The following SPATA4 variants were observed in gnomAD, a reference collection of about 807,000 sequenced individuals.
SPATA4 encodes the protein spermatogenesis-associated protein 4.
In SPATA4, 35 loss-of-function variants were observed where a neutral mutation model predicts 31.8. That is an observed-to-expected ratio of 1.10 (90% CI 0.84 to 1.46). The LOEUF is 1.46. Among genes scored for constraint, SPATA4 ranks in the 40% most tolerant of loss-of-function variants. SPATA4 has a pLI of 0.00. For synonymous variants in SPATA4, 126 were observed against 132.4 expected (o/e 0.95, Z 0.33); for missense variants, 394 against 363.1 (o/e 1.09, Z -0.69).
rs1296102636 is a variant in SPATA4, at chr4:176,192,665, T to G, written c.650A>C (p.His217Pro). ...TCTGCCTAATTTTCTTTGCAACATA[T>G]GTAAAAGGATGAGGAACTCCGCTTT... ...ELKAEFLILL[H>P]MLQRKLGRKL... is the part of the protein sequence containing the mutation. The change falls in exon 4 of 6, where the codon CAT (histidine) becomes CCT (proline). Residue 217 changes from histidine (H) to proline (P), a missense_variant. Transcript: ENST00000280191. The G allele has an allele frequency of 6.2e-7, 1 of 1,613,948 alleles. No homozygotes were observed. The highest frequency in any genetic ancestry group is 8.5e-7 in the Non-Finnish European group (1 of 1,179,978).
At chr4:176,188,767 T>A (rs1350380770) in intron 4 of SPATA4, among the ~76,000 whole-genome samples, 3 of 152,244 alleles carry the variant, frequency 2.0e-5, no homozygotes, top group Non-Finnish European at 4.4e-5. Context: ...TTCCCATATT[T>A]CTTTTTAACT....
At chr4:176,194,371 C>G (rs1374838016) in intron 1 of SPATA4, 1 of 87,178 alleles carries the variant, frequency 1.1e-5, no homozygotes, top group Non-Finnish European at 2.6e-5. Flanking sequence ...GAAAAACTTT[C>G]AGCCACAGTG....
chr4:176,187,745 G>A (rs977590022), intron 5 of SPATA4, among the ~76,000 whole-genome samples: 4 of 152,222 alleles, frequency 2.6e-5, no homozygotes, highest in Non-Finnish European at 5.9e-5. Flanking sequence ...GTGACTTCTT[G>A]TAATACAACT....
intron 1 of SPATA4, 93 bp downstream of exon 1, chr4:176,195,252 G>A: frequency 2.4e-6 from 3 of 1,252,334 alleles, no homozygotes; most frequent in South Asian, 1.2e-5. Context: ...TGAAACATAA[G>A]CCAGGCCAGG....
In SPATA4 at chr4:176,193,459, C is replaced by A; in HGVS notation, c.342G>T (p.Leu114Phe). The change falls in exon 2 of 6, where the codon TTG (leucine) becomes TTT (phenylalanine). Residue 114 changes from leucine to phenylalanine, a missense_variant. Transcript: ENST00000280191. ...TAAATGACTGCTAACGTACCTTCTC[C>A]AACTGTGCCCAGTTATCCAACTTGA... ...LKVKLDNWAQLEKFLARKKFK... is the reference protein window; with the variant it reads ...LKVKLDNWAQFEKFLARKKFK... 6.2e-7 allele frequency: 1 copy of A among 1,612,254 alleles called. No individual in the cohort carries two copies. The highest frequency in any genetic ancestry group is 8.5e-7 in the Non-Finnish European group (1 of 1,179,552).
intron 4 of SPATA4, among the ~76,000 whole-genome samples, chr4:176,190,723 A>G (rs1436600149): frequency 6.6e-6 from 1 of 152,176 alleles, no homozygotes. Flanking sequence ...TAGCAATAGC[A>G]GGTTGAGACC....
Position 176,193,056 on chromosome 4 carries a change from A to T in SPATA4, c.369T>A (p.Phe123Leu). 4.4e-6 allele frequency: 7 copies of T among 1,591,700 alleles called. No individual in the cohort carries two copies. Among genetic ancestry groups the T allele is most frequent in the Non-Finnish European group, 6.0e-6 (7 of 1,173,640 alleles). The change falls in exon 3 of 6, where the codon TTT (phenylalanine) becomes TTA (leucine). Residue 123 changes from phenylalanine (F) to leucine (L), a missense_variant. Coordinates refer to ENST00000280191, the MANE Select transcript of SPATA4 (RefSeq NM_144644.4). Reference protein sequence around the residue: ...QLEKFLARKKFKLPKELIHGT... With the variant: ...QLEKFLARKKLKLPKELIHGT... The stretch of plus-strand genomic sequence containing the variant: ...CATGGATTAGTTCTTTAGGTAATTT[A>T]AATTTTTTTCTTGCCAGGAACTTTA...
At chr4:176,184,978 A>G (rs1752418816) in intron 5 of SPATA4, 86 bp from the exon 6 acceptor site, 2 of 684,958 alleles carry the variant, frequency 2.9e-6, no homozygotes, top group East Asian at 2.9e-5. Flanking sequence ...TGTATCAAAT[A>G]TATGCAGAAT....
intron 4 of SPATA4, among the ~76,000 whole-genome samples, chr4:176,190,396 A>AT (rs1343572210): frequency 6.6e-6 from 1 of 152,092 alleles, no homozygotes; most frequent in Non-Finnish European, 1.5e-5. Flanking sequence ...CTTGTATTTG[A>AT]TTTTCATTCC....
Position 176,193,460 on chromosome 4 carries a change from A to C in SPATA4, c.341T>G (p.Leu114Trp), listed in dbSNP as rs1345678590. The change falls in exon 2 of 6, where the codon TTG (leucine) becomes TGG (tryptophan). Residue 114 changes from leucine (L) to tryptophan (W), a missense_variant. Transcript: ENST00000280191. ...AAATGACTGCTAACGTACCTTCTCC[A>C]ACTGTGCCCAGTTATCCAACTTGAC... ...LKVKLDNWAQ[L>W]EKFLARKKFK... The C allele has an allele frequency of 1.9e-6, 3 of 1,612,484 alleles. No homozygotes were observed. In the South Asian group the frequency reaches 3.3e-5, roughly 18 times the overall value.
chr4:176,188,199 G>C lies in SPATA4; in HGVS notation c.725C>G (p.Thr242Ser), dbSNP rs774219065. 1.2e-6 allele frequency: 2 copies of C among 1,612,542 alleles called. No individual in the cohort carries two copies. Among genetic ancestry groups the C allele is most frequent in the Non-Finnish European group, 1.7e-6 (2 of 1,179,478 alleles). The change falls in exon 5 of 6, where the codon ACT becomes AGT. Residue 242 changes from threonine to serine, a missense_variant. Transcript: ENST00000280191. ...GGCTTGGGCAGGAAGGTGATTGAGA[G>C]TAACTTCTCCCACTGTTGGTTTCAC... ...FDVKPTVGEVTLNHLPAQASG... is the reference protein window; with the variant it reads ...FDVKPTVGEVSLNHLPAQASG...
At chr4:176,190,455 A>G (rs951095366) in intron 4 of SPATA4, among the ~76,000 whole-genome samples, 1 of 152,230 alleles carries the variant, frequency 6.6e-6, no homozygotes, top group Non-Finnish European at 1.5e-5. Context: ...AGCCATTTTT[A>G]TCTCATGGTA....
chr4:176,195,566 G>A lies in SPATA4; in HGVS notation c.-4C>T, dbSNP rs375810589. ...TTTCCTGGCCGGCGGCAGCCATGAC[G>A]CTTTCTGGGTTGCTGCGGCAACAGC... On this transcript the variant is annotated 5_prime_UTR_variant, in exon 1 of 6. Coordinates refer to ENST00000280191, the MANE Select transcript of SPATA4 (RefSeq NM_144644.4). The A allele has an allele frequency of 4.8e-5, 77 of 1,613,712 alleles. No homozygotes were observed. The highest frequency in any genetic ancestry group is 6.2e-5 in the Non-Finnish European group (73 of 1,179,876).
At position 176,184,826 on chromosome 4, in the gene SPATA4, T is replaced by G. The variant is rs764647834; in HGVS notation, c.872A>C (p.Tyr291Ser). The G allele has an allele frequency of 1.9e-6, 3 of 1,604,350 alleles. No homozygotes were observed. The African/African-American group carries it at 4.0e-5, about 22-fold the overall frequency. ...TCTGATAGGTTTCATAGCAGAGTAA[T>G]AAGAATGTTGTCCAGCTTGCTTCAC... ...IHVKQAGQHS[Y>S]YSAMKPIRNM... Residue 291 changes from tyrosine (Y) to serine (S), a missense_variant, in exon 6 of 6, where the codon TAT becomes TCT. Physicochemically the swap from Tyr to Ser is moderately radical, Grantham distance 144. Coordinates refer to ENST00000280191, the MANE Select transcript of SPATA4 (RefSeq NM_144644.4).
At chr4:176,190,754 T>C (rs886808908) in intron 4 of SPATA4, among the ~76,000 whole-genome samples, 22 of 152,306 alleles carry the variant, frequency 1.4e-4, no homozygotes, top group African/African-American at 5.3e-4. Context: ...CCAGATCTCT[T>C]ACTTCTCCTT....
rs747277758 is a variant in SPATA4, at chr4:176,195,354, T to G, written c.209A>C (p.Asn70Thr). The G allele has an allele frequency of 2.5e-6, 4 of 1,613,846 alleles. No individual in the cohort carries two copies. Among genetic ancestry groups the G allele is most frequent in the African/African-American group, 2.7e-5 (2 of 74,848 alleles). The change falls in exon 1 of 6, where the codon AAC (asparagine) becomes ACC (threonine). Residue 70 changes from asparagine (N) to threonine (T), a missense_variant. Asn to Thr is a moderately conservative substitution (Grantham distance 65). Coordinates refer to ENST00000280191, the MANE Select transcript of SPATA4 (RefSeq NM_144644.4). ...TGGCTTACTCAAGCACCTGTTGATG[T>G]TCCTGGGGAAGAAGCTGAGATCCAG... The part of the protein sequence containing the change: ...QGLDLSFFPR[N>T]INRDFSNGFL...
chr4:176,192,404 G>A (rs1284139781), intron 4 of SPATA4, among the ~76,000 whole-genome samples: 1 of 152,218 alleles, frequency 6.6e-6, no homozygotes, highest in Non-Finnish European at 1.5e-5. Flanking sequence ...CTAAAAAGAA[G>A]TGTCTGTATA....
chr4:176,187,992 T>C (rs1579294246), intron 5 of SPATA4, 127 bp downstream of exon 5: 1 of 696,248 alleles, frequency 1.4e-6, no homozygotes, highest in South Asian at 1.8e-5. Context: ...ACCAGTGTAA[T>C]TGGCAGTGTA....
At chr4:176,191,324 G>C (rs1009335228) in intron 4 of SPATA4, among the ~76,000 whole-genome samples, 1 of 152,140 alleles carries the variant, frequency 6.6e-6, no homozygotes, top group Admixed American at 6.5e-5. Context: ...TCAAACTTTT[G>C]ACCTCGTGAT....
Sources: gnomAD v4.1 joint callset for allele counts (sites outside exome capture counted in the v4.1 genomes callset) on GRCh38, gnomAD v4.1.1 for gene constraint, MANE v1.5 for transcripts, NCBI Gene and HGNC (gene_info 2026-07-23, HGNC 2026-07-21) for gene names.